SIL1: variants seen among roughly 807,000 people sequenced by gnomAD.
SIL1 encodes the protein nucleotide exchange factor SIL1.
Under a neutral mutation model 49.1 loss-of-function variants are expected in SIL1, and 40 were observed. The ratio of observed to expected loss-of-function variants is 0.81; its 90% CI spans 0.63 to 1.06. The LOEUF (loss-of-function observed/expected upper bound fraction) is 1.06. SIL1 is among the 50% of genes least tolerant of loss of function. The pLI is 0.00. For synonymous variants in SIL1, 253 were observed against 250.8 expected (o/e 1.01, Z -0.08); for missense variants, 500 against 572.6 (o/e 0.87, Z 1.29).
chr5:139,093,436 T>C (rs1770387059), intron 3 of SIL1, among the ~76,000 whole-genome samples: 1 of 152,180 alleles, frequency 6.6e-6, no homozygotes, highest in Non-Finnish European at 1.5e-5. Context: ...AGAGCGCAGT[T>C]AGCTCCATCT....
At chr5:139,182,282 C>T (rs1185728155) in intron 1 of SIL1, among the ~76,000 whole-genome samples, 1 of 152,118 alleles carries the variant, frequency 6.6e-6, no homozygotes, top group Admixed American at 6.6e-5. Context: ...ATTAATATGA[C>T]GCAACACGGA....
chr5:139,093,291 A>C (rs1770383745), intron 3 of SIL1, among the ~76,000 whole-genome samples: 1 of 152,206 alleles, frequency 6.6e-6, no homozygotes, highest in African/African-American at 2.4e-5. Flanking sequence ...TGTAAGAAAT[A>C]AATCTATGCT....
chr5:138,963,943 G>C (rs979902001), intron 7 of SIL1, among the ~76,000 whole-genome samples: 1 of 152,168 alleles, frequency 6.6e-6, no homozygotes, highest in Non-Finnish European at 1.5e-5. Flanking sequence ...CTAGGCGCGG[G>C]GTTCACCAGG....
At chr5:139,166,283 A>G (rs1485041821) in intron 1 of SIL1, among the ~76,000 whole-genome samples, 2 of 152,222 alleles carry the variant, frequency 1.3e-5, no homozygotes, top group Non-Finnish European at 2.9e-5. Flanking sequence ...TCATAAGATG[A>G]CAATGGAGCT....
Position 139,190,070 on chromosome 5 carries a change from T to A in SIL1, c.-11+8199A>T, listed in dbSNP as rs555123495. ...ATTCAACAGATCATAAAACTAAGGC[T>A]TAGAGAAAATAAGTAACTTACAATC... On this transcript the variant is annotated intron_variant, in intron 1 of 9. Coordinates refer to ENST00000394817, the MANE Select transcript of SIL1 (RefSeq NM_022464.5). Among the ~76,000 whole-genome samples, 6 of 152,304 alleles carry A rather than the reference T, an allele frequency of 3.9e-5. No individual in the cohort carries two copies. The East Asian group carries it at 9.6e-4, about 24-fold the overall frequency.
chr5:139,026,758 G>T (rs764098977), intron 6 of SIL1, 43 bp downstream of exon 6: 2 of 1,565,048 alleles, frequency 1.3e-6, no homozygotes, highest in East Asian at 2.2e-5. Context: ...ATTTATTTTT[G>T]GAGCTGTTAA....
intron 3 of SIL1, among the ~76,000 whole-genome samples, chr5:139,116,141 T>C (rs997913767): frequency 6.6e-6 from 1 of 152,152 alleles, no homozygotes; most frequent in Non-Finnish European, 1.5e-5. Flanking sequence ...GAAATCAGAC[T>C]CCTCTCTTAA....
chr5:139,111,185 T>C (rs957987589), intron 3 of SIL1, among the ~76,000 whole-genome samples: 1 of 152,194 alleles, frequency 6.6e-6, no homozygotes, highest in African/African-American at 2.4e-5. Context: ...TTCTCTTTCA[T>C]TGCTCAAAGC....
At chr5:139,006,481 G>T (rs1174878712) in intron 7 of SIL1, among the ~76,000 whole-genome samples, 14 of 121,738 alleles carry the variant, frequency 1.2e-4, no homozygotes, top group South Asian at 9.3e-4. Context: ...GTCAATTTTG[G>T]CTTTTGTTGC....
chr5:138,976,123 G>GA (rs1457957800), intron 7 of SIL1, among the ~76,000 whole-genome samples: 2 of 152,080 alleles, frequency 1.3e-5, no homozygotes, highest in Non-Finnish European at 2.9e-5. Context: ...CACTATATGA[G>GA]AAAAAACAAT....
chr5:139,061,686 A>C (rs1056097749), intron 3 of SIL1, among the ~76,000 whole-genome samples: 2 of 152,228 alleles, frequency 1.3e-5, no homozygotes, highest in Non-Finnish European at 2.9e-5. Flanking sequence ...TAAAAAGTAC[A>C]CCAGAAAAAG....
intron 1 of SIL1, among the ~76,000 whole-genome samples, chr5:139,179,255 C>T (rs926659079): frequency 1.3e-5 from 2 of 152,180 alleles, no homozygotes; most frequent in African/African-American, 2.4e-5. Context: ...ATCCCCAGGG[C>T]AGACAGTGCC....
At chr5:138,997,381 G>A (rs1310083991) in intron 7 of SIL1, among the ~76,000 whole-genome samples, 1 of 152,152 alleles carries the variant, frequency 6.6e-6, no homozygotes, top group African/African-American at 2.4e-5. Context: ...ACCATTTATT[G>A]AAGAGACTGT....
chr5:138,960,604 T>C (rs1401356197), intron 7 of SIL1, among the ~76,000 whole-genome samples: 2 of 151,938 alleles, frequency 1.3e-5, no homozygotes, highest in Admixed American at 1.3e-4. Context: ...TGCCCAGTTT[T>C]GTTTTGTTTT....
chr5:139,164,669 A>G lies in SIL1; in HGVS notation c.-11+33600T>C, dbSNP rs1029435657. On this transcript the variant is annotated intron_variant, in intron 1 of 9. Transcript: ENST00000394817. ...CTAACTGCCCTAGGAGGTGGGTATC[A>G]GTACACACTTATTCAGATGAAGAAA... Among the ~76,000 whole-genome samples the G allele has an allele frequency of 3.3e-5, 5 of 152,232 alleles. No individual in the cohort carries two copies. In the East Asian group the frequency reaches 5.8e-4, roughly 18 times the overall value.
At chr5:138,971,881 C>T (rs183344240) in intron 7 of SIL1, among the ~76,000 whole-genome samples, 119 of 152,212 alleles carry the variant, frequency 7.8e-4, no homozygotes, top group Non-Finnish European at 1.4e-3. Context: ...ACCTCCAGGG[C>T]CCACGGCACA....
chr5:138,971,348 A>G (rs1767265674), intron 7 of SIL1, among the ~76,000 whole-genome samples: 1 of 152,052 alleles, frequency 6.6e-6, no homozygotes, highest in African/African-American at 2.4e-5. Context: ...ACCGGCTTGA[A>G]ATGCTCCAAA....
chr5:139,186,736 A>G (rs1752082778), intron 1 of SIL1, among the ~76,000 whole-genome samples: 1 of 152,226 alleles, frequency 6.6e-6, no homozygotes, highest in African/African-American at 2.4e-5. Flanking sequence ...AGGACTCTTG[A>G]ATTCATAAAC....
chr5:139,024,157 G>A (rs1768593538), intron 6 of SIL1, among the ~76,000 whole-genome samples: 1 of 152,180 alleles, frequency 6.6e-6, no homozygotes, highest in African/African-American at 2.4e-5. Context: ...AGCCCATGGT[G>A]ACCTGATACC....
Sources: gnomAD v4.1 joint callset for allele counts (sites outside exome capture counted in the v4.1 genomes callset) on GRCh38, gnomAD v4.1.1 for gene constraint, MANE v1.5 for transcripts, NCBI Gene and HGNC (gene_info 2026-07-23, HGNC 2026-07-21) for gene names.